The following BCAR3 variants were observed in gnomAD, a reference collection of about 807,000 sequenced individuals.
BCAR3 encodes breast cancer anti-estrogen resistance protein 3.
In BCAR3, 37 loss-of-function variants were observed where a neutral mutation model predicts 80.1. That is an observed-to-expected ratio of 0.46 (90% confidence interval 0.36 to 0.61). The LOEUF (loss-of-function observed/expected upper bound fraction) is 0.61. Ranked by LOEUF, BCAR3 falls within the 20% of genes least tolerant of loss-of-function variation. The pLI is 0.00. For missense variants in BCAR3, 978 were observed against 1,068.2 expected, an observed-to-expected ratio of 0.92 and a Z score of 1.18; for synonymous variants, 389 against 418.9, an observed-to-expected ratio of 0.93 and a Z score of 0.87.
chr1:93,743,048 A>G (rs971107869), intron 2 of BCAR3, among the ~76,000 whole-genome samples: 3 of 152,198 alleles, frequency 2.0e-5, no homozygotes, highest in Admixed American at 6.5e-5. Flanking sequence ...AATCATATGT[A>G]TTGAATCATA....
At chr1:93,693,252 T>G (rs1306807623) in intron 3 of BCAR3, among the ~76,000 whole-genome samples, 1 of 152,250 alleles carries the variant, frequency 6.6e-6, no homozygotes. Context: ...GTACTAGGCT[T>G]AGGGAATAGC....
intron 2 of BCAR3, among the ~76,000 whole-genome samples, chr1:93,669,480 G>T (rs1648100659): frequency 6.6e-6 from 1 of 152,218 alleles, no homozygotes; most frequent in East Asian, 1.9e-4. Flanking sequence ...GCCACTGTCA[G>T]TTAAAACACT....
intron 3 of BCAR3, among the ~76,000 whole-genome samples, chr1:93,608,683 C>A (rs1458701200): frequency 6.6e-6 from 1 of 152,210 alleles, no homozygotes; most frequent in Non-Finnish European, 1.5e-5. Flanking sequence ...TGCTAGGGAA[C>A]CGGGTCCTGG....
Position 93,733,527 on chromosome 1 carries a change from A to G in BCAR3, c.-62-27385T>C, listed in dbSNP as rs964233439. Among the ~76,000 whole-genome samples, 6 of 152,202 alleles carry G rather than the reference A, an allele frequency of 3.9e-5. No homozygotes were observed. In the East Asian group the frequency reaches 9.6e-4, roughly 24 times the overall value. On this transcript the variant is annotated intron_variant, in intron 2 of 13. Transcript: ENST00000370244. ...GACTTGATTGGGGCAGCTGCCTCCC[A>G]GTGGGGTGGTGAGGAGTGACAAAGC...
At chr1:93,756,231 C>T (rs1473754461) in intron 2 of BCAR3, among the ~76,000 whole-genome samples, 1 of 152,180 alleles carries the variant, frequency 6.6e-6, no homozygotes, top group Non-Finnish European at 1.5e-5. Context: ...TGTGTTAGTG[C>T]CCTTGGTGGC....
chr1:93,800,328 C>T (rs1379845245), intron 2 of BCAR3, among the ~76,000 whole-genome samples: 1 of 152,060 alleles, frequency 6.6e-6, no homozygotes. Context: ...AATCCTAGCA[C>T]CTTGGGAGGC....
chr1:93,577,647 T>C (rs1247721937), intron 7 of BCAR3, among the ~76,000 whole-genome samples: 1 of 152,230 alleles, frequency 6.6e-6, no homozygotes, highest in Non-Finnish European at 1.5e-5. Context: ...TCTGGCCAGA[T>C]CTTGGGAAAG....
intron 2 of BCAR3, among the ~76,000 whole-genome samples, chr1:93,809,543 G>A (rs780020247): frequency 2.0e-5 from 3 of 151,894 alleles, no homozygotes; most frequent in African/African-American, 4.8e-5. Context: ...CGAGGTGGGC[G>A]GATCACCTGG....
intron 2 of BCAR3, among the ~76,000 whole-genome samples, chr1:93,776,356 C>T (rs1201192483): frequency 6.6e-6 from 1 of 152,208 alleles, no homozygotes; most frequent in African/African-American, 2.4e-5. Context: ...CCACGCCCTA[C>T]TGTCTTCCCA....
intron 2 of BCAR3, among the ~76,000 whole-genome samples, chr1:93,664,832 T>C (rs1353949015): frequency 2.6e-5 from 4 of 152,206 alleles, no homozygotes; most frequent in Non-Finnish European, 5.9e-5. Flanking sequence ...GGCTTCAGGC[T>C]GTCTAAGCTC....
At chr1:93,673,242 T>C (rs537178787) in intron 2 of BCAR3, among the ~76,000 whole-genome samples, 2 of 152,346 alleles carry the variant, frequency 1.3e-5, no homozygotes, top group South Asian at 4.1e-4. Flanking sequence ...CACTAGAATG[T>C]AAACTCTGGG....
chr1:93,564,104 G>A (rs1672821076), intron 11 of BCAR3, among the ~76,000 whole-genome samples: 1 of 151,734 alleles, frequency 6.6e-6, no homozygotes, highest in Admixed American at 6.6e-5. Context: ...TTTTCATGTA[G>A]TTGTCATTTG....
At chr1:93,835,218 C>T (rs940657332) in intron 2 of BCAR3, among the ~76,000 whole-genome samples, 4 of 152,162 alleles carry the variant, frequency 2.6e-5, no homozygotes, top group Non-Finnish European at 4.4e-5. Context: ...TTCCTCACTA[C>T]TCAAGGGTCC....
intron 2 of BCAR3, among the ~76,000 whole-genome samples, chr1:93,767,853 C>T (rs1240683948): frequency 6.6e-6 from 1 of 152,086 alleles, no homozygotes; most frequent in Non-Finnish European, 1.5e-5. Flanking sequence ...GTTTAATTTA[C>T]TTTGCTATTT....
At chr1:93,633,787 A>G (rs1675696226) in intron 3 of BCAR3, among the ~76,000 whole-genome samples, 2 of 152,180 alleles carry the variant, frequency 1.3e-5, no homozygotes, top group African/African-American at 4.8e-5. Context: ...GGCGCATGCC[A>G]CCATGCCCGG....
chr1:93,581,331 T>C (rs1291872912), intron 7 of BCAR3, among the ~76,000 whole-genome samples: 1 of 152,234 alleles, frequency 6.6e-6, no homozygotes, highest in Non-Finnish European at 1.5e-5. Flanking sequence ...AATAATGTTT[T>C]TGCGTAAACC....
chr1:93,648,152 GTCAA>G (rs1324494551), intron 2 of BCAR3, among the ~76,000 whole-genome samples: 2 of 152,160 alleles, frequency 1.3e-5, no homozygotes, highest in African/African-American at 4.8e-5. Context: ...AGTAACATGG[GTCAA>G]TCAAACACGA....
upstream of BCAR3, among the ~76,000 whole-genome samples, chr1:93,685,069 A>G (rs964459911): frequency 1.3e-5 from 2 of 152,120 alleles, no homozygotes; most frequent in Non-Finnish European, 2.9e-5. Context: ...TTTCCATCAA[A>G]CCACAACCAC....
intron 2 of BCAR3, among the ~76,000 whole-genome samples, chr1:93,787,779 A>G (rs1485397559): frequency 6.6e-6 from 1 of 152,176 alleles, no homozygotes; most frequent in African/African-American, 2.4e-5. Flanking sequence ...AGAAGAATAT[A>G]TATTCTTCAG....
Sources: allele counts gnomAD v4.1 joint callset (sites outside exome capture counted in the v4.1 genomes callset), GRCh38; gene constraint gnomAD v4.1.1; transcripts MANE v1.5; gene names NCBI Gene and HGNC (gene_info 2026-07-23, HGNC 2026-07-21).